Variants in SH3GL2 observed in about 807,000 individuals in gnomAD.
The protein encoded by SH3GL2 is endophilin-A1.
SH3GL2 carries 24 observed loss-of-function variants against 46.0 expected under a neutral mutation model. That is an observed-to-expected ratio of 0.52 (90% CI 0.38 to 0.73). The LOEUF (loss-of-function observed/expected upper bound fraction) is 0.73, where lower values mean the gene tolerates loss of function less well. Among genes scored for constraint, SH3GL2 ranks in the 30% least tolerant of loss-of-function variants. The pLI is 0.00. For missense variants in SH3GL2, 413 were observed against 424.2 expected (o/e 0.97, Z 0.23); for synonymous variants, 196 against 147.1 (o/e 1.33, Z -2.40).
At chr9:17,696,276 G>A (rs1821200056) in intron 1 of SH3GL2, among the ~76,000 whole-genome samples, 2 of 152,106 alleles carry the variant, frequency 1.3e-5, no homozygotes, top group Non-Finnish European at 2.9e-5. Context: ...TTTGTATTTT[G>A]TAATGAATAT....
chr9:17,631,853 C>T (rs1055590236), intron 1 of SH3GL2, among the ~76,000 whole-genome samples: 5 of 152,184 alleles, frequency 3.3e-5, no homozygotes, highest in African/African-American at 1.2e-4. Flanking sequence ...AGGCCTGCTC[C>T]TTGCTTACAT....
chr9:17,653,962 A>C (rs1224704264), intron 1 of SH3GL2: 1 of 475,028 alleles, frequency 2.1e-6, no homozygotes, highest in Non-Finnish European at 2.8e-6. Context: ...CTTCTTTTAA[A>C]CTCTGGGAAG....
In SH3GL2 at chr9:17,769,523, C is replaced by T. The variant is rs139981900; in HGVS notation, c.187+8014C>T. Among the ~76,000 whole-genome samples the T allele has an allele frequency of 9.6e-3, 1,454 of 152,120 alleles. 29 individuals are homozygous for T. The highest frequency in any genetic ancestry group is 0.034 in the African/African-American group (1,390 of 41,476). On this transcript the variant is annotated intron_variant, in intron 3 of 8. Transcript: ENST00000380607. ...GAATTATCCTCAGACTTGTTCCTGC[C>T]TCGGGGTCTTTGCACAGGTGTTTCT...
In SH3GL2 at chr9:17,722,838, A is replaced by T. The variant is rs530209429; in HGVS notation, c.46-24228A>T. Among the ~76,000 whole-genome samples the T allele has an allele frequency of 2.6e-5, 4 of 152,228 alleles. No individual in the cohort carries two copies. In the East Asian group the frequency reaches 7.7e-4, roughly 29 times the overall value. On this transcript the variant is annotated intron_variant, in intron 1 of 8. Coordinates refer to ENST00000380607, the MANE Select transcript of SH3GL2 (RefSeq NM_003026.5). ...CTATAACAACTAGGATTCCAGTAGG[A>T]TGTGGCAGATCCAGGTGAGAGATGC...
chr9:17,789,604 A>C, intron 6 of SH3GL2, 54 bp downstream of exon 6: 1 of 1,606,106 alleles, frequency 6.2e-7, no homozygotes, highest in South Asian at 1.1e-5. Context: ...CACAACATTA[A>C]TATGTTAAAG....
intron 1 of SH3GL2, among the ~76,000 whole-genome samples, chr9:17,678,471 T>G (rs1820674969): frequency 6.6e-6 from 1 of 152,226 alleles, no homozygotes; most frequent in Non-Finnish European, 1.5e-5. Flanking sequence ...CGCCCACTTT[T>G]TGATGGGGTT....
intron 1 of SH3GL2, among the ~76,000 whole-genome samples, chr9:17,725,249 A>G (rs780701500): frequency 9.9e-5 from 15 of 151,846 alleles, no homozygotes; most frequent in Non-Finnish European, 2.1e-4. Context: ...TCCACATTCC[A>G]CTCGATTTAC....
At chr9:17,719,501 T>C (rs1821840429) in intron 1 of SH3GL2, among the ~76,000 whole-genome samples, 1 of 152,070 alleles carries the variant, frequency 6.6e-6, no homozygotes, top group African/African-American at 2.4e-5. Flanking sequence ...TTTGAAAGTT[T>C]TTGGCTGGGC....
chr9:17,773,935 A>T (rs1416366198), intron 3 of SH3GL2, among the ~76,000 whole-genome samples: 1 of 152,080 alleles, frequency 6.6e-6, no homozygotes, highest in East Asian at 1.9e-4. Context: ...TGAACATGGG[A>T]TGTATTTCCA....
chr9:17,702,584 G>C (rs1298518221), intron 1 of SH3GL2, among the ~76,000 whole-genome samples: 3 of 151,982 alleles, frequency 2.0e-5, no homozygotes, highest in African/African-American at 7.2e-5. Flanking sequence ...TTATTTTGAA[G>C]GTAATCCTTG....
intron 8 of SH3GL2, 83 bp from the exon 9 acceptor site, chr9:17,795,461 G>A (rs1824247465): frequency 2.9e-5 from 30 of 1,046,624 alleles, no homozygotes; most frequent in Non-Finnish European, 4.3e-5. Context: ...CAAGCCAGGT[G>A]GGTACAGCAG....
At chr9:17,587,637 G>A (rs1193856288) in intron 1 of SH3GL2, among the ~76,000 whole-genome samples, 1 of 152,166 alleles carries the variant, frequency 6.6e-6, no homozygotes, top group African/African-American at 2.4e-5. Flanking sequence ...CCGCACTTTG[G>A]GAGGCCGAGG....
At chr9:17,642,456 G>C (rs1001235337) in intron 1 of SH3GL2, among the ~76,000 whole-genome samples, 3 of 152,132 alleles carry the variant, frequency 2.0e-5, no homozygotes, top group Non-Finnish European at 2.9e-5. Flanking sequence ...GTATTACCTA[G>C]GTTTTCTTCT....
chr9:17,755,051 C>G (rs1031715841), intron 2 of SH3GL2, among the ~76,000 whole-genome samples: 1 of 152,098 alleles, frequency 6.6e-6, no homozygotes, highest in African/African-American at 2.4e-5. Context: ...AGAGGGCATC[C>G]TTGTCTTGTG....
intron 1 of SH3GL2, among the ~76,000 whole-genome samples, chr9:17,702,957 G>T (rs1821374743): frequency 6.6e-6 from 1 of 151,974 alleles, no homozygotes; most frequent in Non-Finnish European, 1.5e-5. Flanking sequence ...GTTAATCCTG[G>T]ATCTTGCTCT....
chr9:17,708,223 A>G (rs1327732086), intron 1 of SH3GL2, among the ~76,000 whole-genome samples: 1 of 151,892 alleles, frequency 6.6e-6, no homozygotes, highest in East Asian at 1.9e-4. Flanking sequence ...GGACATCCTC[A>G]TCACTGTCCC....
At chr9:17,615,989 G>C (rs1471238506) in intron 1 of SH3GL2, among the ~76,000 whole-genome samples, 1 of 152,156 alleles carries the variant, frequency 6.6e-6, no homozygotes, top group Non-Finnish European at 1.5e-5. Context: ...CAGGACCCCA[G>C]AGAGATGTTT....
At chr9:17,633,805 T>C (rs1424966196) in intron 1 of SH3GL2, among the ~76,000 whole-genome samples, 2 of 152,224 alleles carry the variant, frequency 1.3e-5, no homozygotes, top group Admixed American at 1.3e-4. Flanking sequence ...TTGAGTATTT[T>C]CTAATACCTT....
intron 1 of SH3GL2, among the ~76,000 whole-genome samples, chr9:17,745,618 T>C (rs1000253573): frequency 3.3e-5 from 5 of 152,038 alleles, no homozygotes; most frequent in Non-Finnish European, 7.4e-5. Flanking sequence ...AGTGGTCTCT[T>C]CTGAGTGTTT....
Sources: gnomAD v4.1 joint callset for allele counts (sites outside exome capture counted in the v4.1 genomes callset) on GRCh38, gnomAD v4.1.1 for gene constraint, MANE v1.5 for transcripts, NCBI Gene and HGNC (gene_info 2026-07-23, HGNC 2026-07-21) for gene names.